Variants in SPIN1 observed in about 807,000 individuals in gnomAD.
SPIN1 encodes the protein spindlin 1, also known as spindlin-1.
Under a neutral mutation model 26.0 loss-of-function variants are expected in SPIN1, and 3 were observed. The observed-to-expected ratio is 0.12, with a 90% CI of 0.05 to 0.30. The LOEUF (loss-of-function observed/expected upper bound fraction) is 0.30, where lower values mean the gene tolerates loss of function less well. SPIN1 is among the 10% of genes least tolerant of loss of function. The pLI, the probability that SPIN1 is intolerant of heterozygous loss-of-function variation, is 1.00. For synonymous variants in SPIN1, 101 were observed against 116.5 expected, an observed-to-expected ratio of 0.87 and a Z score of 0.86; for missense variants, 126 against 333.4, an observed-to-expected ratio of 0.38 and a Z score of 4.84.
chr9:88,412,746 C>T lies in SPIN1; in HGVS notation c.-158-13636C>T, dbSNP rs188210680. Among the ~76,000 whole-genome samples, 101 of 151,862 alleles carry T rather than the reference C, an allele frequency of 6.7e-4. 1 individual carries two copies. In the Middle Eastern group the frequency reaches 0.014, roughly 20 times the overall value. ...CACCCAGGCTAGAGTGCAGATGGCG[C>T]GGTCTCAGCTCACTGCAACTTCCAC... On this transcript the variant is annotated intron_variant, in intron 1 of 5. Coordinates refer to ENST00000375859, the MANE Select transcript of SPIN1 (RefSeq NM_006717.3).
Position 88,431,074 on chromosome 9 carries a change from G to A in SPIN1, c.52+4483G>A, listed in dbSNP as rs144672262. ...ACTTTTTTGCATTTTTAGTAGAGACGGGGTTTTTCCATGTTGGTCAGGCTG... is the reference window on the plus strand; with the variant it reads ...ACTTTTTTGCATTTTTAGTAGAGACAGGGTTTTTCCATGTTGGTCAGGCTG... On this transcript the variant is annotated intron_variant, in intron 2 of 5. Transcript: ENST00000375859. Among the ~76,000 whole-genome samples the A allele has an allele frequency of 5.0e-3, 755 of 151,978 alleles. 5 individuals carry two copies. Among genetic ancestry groups the A allele is most frequent in the African/African-American group, 0.017 (711 of 41,474 alleles).
intron 1 of SPIN1, among the ~76,000 whole-genome samples, chr9:88,408,122 A>G (rs1181745114): frequency 4.6e-5 from 7 of 151,434 alleles, no homozygotes; most frequent in Admixed American, 2.0e-4. Context: ...TTAGTTTTCA[A>G]CAGTTTTACT....
intron 3 of SPIN1, among the ~76,000 whole-genome samples, chr9:88,455,883 T>C (rs1462762315): frequency 1.3e-5 from 2 of 151,782 alleles, no homozygotes; most frequent in Admixed American, 6.6e-5. Flanking sequence ...TGGGAGGCTA[T>C]AAAGCAAGAG....
intron 1 of SPIN1, among the ~76,000 whole-genome samples, chr9:88,398,775 T>C (rs1827123501): frequency 6.6e-6 from 1 of 151,900 alleles, no homozygotes; most frequent in Non-Finnish European, 1.5e-5. Flanking sequence ...GGTTTCTCCA[T>C]GTTGGTCAGG....
chr9:88,459,323 C>T (rs1828531973), intron 3 of SPIN1, among the ~76,000 whole-genome samples: 1 of 152,168 alleles, frequency 6.6e-6, no homozygotes, highest in South Asian at 2.1e-4. Context: ...ATCTCCTTCA[C>T]CAGCTGTTTT....
chr9:88,455,742 C>T (rs1828457583), intron 3 of SPIN1, among the ~76,000 whole-genome samples: 1 of 152,054 alleles, frequency 6.6e-6, no homozygotes, highest in Non-Finnish European at 1.5e-5. Flanking sequence ...CTTTGGGAGG[C>T]CAAGGTGGGA....
At chr9:88,407,914 C>T (rs1201992912) in intron 1 of SPIN1, among the ~76,000 whole-genome samples, 1 of 151,802 alleles carries the variant, frequency 6.6e-6, no homozygotes, top group Non-Finnish European at 1.5e-5. Flanking sequence ...GCCTGAGCCA[C>T]CCCATGCTTG....
chr9:88,404,916 AAAAAAAAAAAAAAC>A (rs1011834742), intron 1 of SPIN1, among the ~76,000 whole-genome samples: 19 of 91,910 alleles, frequency 2.1e-4, no homozygotes, highest in South Asian at 1.0e-3. Context: ...ATTTCGTCTC[AAAAAAAAAAAAAAC>A]AAAAAAAAAA....
intron 5 of SPIN1, among the ~76,000 whole-genome samples, chr9:88,474,552 A>G (rs1355900405): frequency 6.6e-6 from 1 of 152,198 alleles, no homozygotes; most frequent in Non-Finnish European, 1.5e-5. Flanking sequence ...AAGAAGCTTT[A>G]AGGATTCACA....
intron 5 of SPIN1, among the ~76,000 whole-genome samples, chr9:88,473,491 C>T (rs1828830566): frequency 6.6e-6 from 1 of 152,192 alleles, no homozygotes; most frequent in Non-Finnish European, 1.5e-5. Flanking sequence ...AAAAGCATTT[C>T]TCCAACCTGT....
intron 2 of SPIN1, among the ~76,000 whole-genome samples, chr9:88,442,903 C>T (rs1204543226): frequency 5.9e-5 from 9 of 151,748 alleles, no homozygotes; most frequent in African/African-American, 2.2e-4. Context: ...GGGCAAATCA[C>T]GAGGTCAGGA....
chr9:88,437,716 G>A (rs889160755), intron 2 of SPIN1, among the ~76,000 whole-genome samples: 2 of 152,100 alleles, frequency 1.3e-5, no homozygotes, highest in African/African-American at 4.8e-5. Context: ...CTAGCTTTTG[G>A]TTTCATTGAT....
At chr9:88,451,114 A>G (rs773379149) in intron 3 of SPIN1, among the ~76,000 whole-genome samples, 1 of 151,074 alleles carries the variant, frequency 6.6e-6, no homozygotes, top group Non-Finnish European at 1.5e-5. Flanking sequence ...ACCAAATATA[A>G]AAAAAAAACA....
intron 2 of SPIN1, among the ~76,000 whole-genome samples, chr9:88,433,362 C>T (rs1827923437): frequency 6.6e-6 from 1 of 152,204 alleles, no homozygotes; most frequent in Admixed American, 6.5e-5. Flanking sequence ...GGACTACAGT[C>T]ATGCACCAGT....
rs568740712 is a variant in SPIN1 at position 88,467,720 on chromosome 9, T to C, written c.356-652T>C. On this transcript the variant is annotated intron_variant, in intron 4 of 5. Coordinates refer to ENST00000375859, the MANE Select transcript of SPIN1 (RefSeq NM_006717.3). ...GAACATTTTAGATCACACAATGTGG[T>C]ATCAGTGACACAACGATTACTTTGG... Among the ~76,000 whole-genome samples the C allele has an allele frequency of 4.4e-4, 67 of 152,228 alleles. No individual in the cohort carries two copies. In the South Asian group the frequency reaches 4.6e-3, roughly 10 times the overall value.
At chr9:88,451,696 G>A (rs1364203431) in intron 3 of SPIN1, among the ~76,000 whole-genome samples, 1 of 152,200 alleles carries the variant, frequency 6.6e-6, no homozygotes, top group African/African-American at 2.4e-5. Context: ...AAGTAGCTGA[G>A]ACCACAGGCG....
At chr9:88,405,462 C>T (rs1587775701) in intron 1 of SPIN1, among the ~76,000 whole-genome samples, 2 of 151,276 alleles carry the variant, frequency 1.3e-5, no homozygotes, top group East Asian at 3.9e-4. Context: ...CTCCTGACCT[C>T]GTGATCCGCC....
intron 2 of SPIN1, among the ~76,000 whole-genome samples, chr9:88,428,309 G>A (rs374911088): frequency 5.3e-5 from 8 of 152,196 alleles, no homozygotes; most frequent in African/African-American, 1.7e-4. Flanking sequence ...GTTCCAGCAG[G>A]AAGTTTTTCA....
chr9:88,434,368 GTTTATTTTATAAATTA>G (rs1564031568), intron 2 of SPIN1, among the ~76,000 whole-genome samples: 1 of 134,372 alleles, frequency 7.4e-6, no homozygotes, highest in Non-Finnish European at 1.5e-5. Flanking sequence ...TTATAAAATA[GTTTATTTTATAAATTA>G]TAAAATAGTT....
Sources: gnomAD v4.1 joint callset for allele counts (sites outside exome capture counted in the v4.1 genomes callset) on GRCh38, gnomAD v4.1.1 for gene constraint, MANE v1.5 for transcripts, NCBI Gene and HGNC (gene_info 2026-07-23, HGNC 2026-07-21) for gene names.